TBC1D8: variants seen among roughly 807,000 people sequenced by gnomAD.
TBC1D8 encodes BUB2-like protein 1.
TBC1D8 carries 65 observed loss-of-function variants against 118.8 expected under a neutral mutation model. The ratio of observed to expected loss-of-function variants is 0.55; its 90% CI spans 0.45 to 0.67. The LOEUF (loss-of-function observed/expected upper bound fraction) is 0.67, where lower values mean the gene tolerates loss of function less well. Among genes scored for constraint, TBC1D8 ranks in the 30% least tolerant of loss-of-function variants. TBC1D8 has a pLI of 0.00. For missense variants in TBC1D8, 1,376 were observed against 1,471.2 expected (o/e 0.94, Z 1.06); for synonymous variants, 566 against 595.8 (o/e 0.95, Z 0.73).
intron 18 of TBC1D8, 178 bp from the exon 19 acceptor site, chr2:101,011,204 T>C: frequency 5.7e-6 from 4 of 706,332 alleles, no homozygotes; most frequent in Non-Finnish European, 4.6e-6. Flanking sequence ...GGGGGACTTC[T>C]GCTCTAAGAG....
At chr2:101,055,303 C>T (rs905341823) in intron 3 of TBC1D8, among the ~76,000 whole-genome samples, 3 of 151,856 alleles carry the variant, frequency 2.0e-5, no homozygotes, top group Middle Eastern at 3.4e-3. Context: ...GCACAAGAAT[C>T]GCTTGAACCC....
intron 2 of TBC1D8, among the ~76,000 whole-genome samples, chr2:101,083,727 A>C (rs1369003910): frequency 6.6e-6 from 1 of 152,192 alleles, no homozygotes; most frequent in Non-Finnish European, 1.5e-5. Flanking sequence ...CGTGCAGGCC[A>C]TTCTTCCTGT....
intron 1 of TBC1D8, among the ~76,000 whole-genome samples, chr2:101,108,066 A>G (rs1335164441): frequency 6.5e-5 from 9 of 139,514 alleles, no homozygotes; most frequent in African/African-American, 2.1e-4. Context: ...AAAAAATAAT[A>G]GAAAGAAAAA....
chr2:101,019,139 T>C (rs1679870854), intron 17 of TBC1D8: 2 of 1,492,630 alleles, frequency 1.3e-6, no homozygotes, highest in African/African-American at 1.4e-5. Flanking sequence ...CGAGGACGTC[T>C]GTCTCCCATA....
chr2:101,107,425 T>C (rs79972087), intron 1 of TBC1D8, among the ~76,000 whole-genome samples: 1,598 of 152,156 alleles, frequency 0.011, 32 homozygotes, highest in African/African-American at 0.036. Flanking sequence ...CACTATCCAA[T>C]TGGCTGAGGG....
chr2:101,145,792 C>A (rs746187273), intron 1 of TBC1D8, among the ~76,000 whole-genome samples: 1 of 152,132 alleles, frequency 6.6e-6, no homozygotes, highest in Non-Finnish European at 1.5e-5. Flanking sequence ...TGAGAGGAGC[C>A]GTGTGCCCAA....
Position 101,069,547 on chromosome 2 carries a change from T to C in TBC1D8, c.284-10008A>G, listed in dbSNP as rs559400550. Among the ~76,000 whole-genome samples the C allele has an allele frequency of 7.9e-5, 12 of 152,048 alleles. No homozygotes were observed. In the South Asian group the frequency reaches 2.5e-3, roughly 32 times the overall value. On this transcript the variant is annotated intron_variant, in intron 2 of 19. Coordinates refer to ENST00000409318, the MANE Select transcript of TBC1D8 (RefSeq NM_001330348.2). ...GTTGCAGTGAGCCGAGATCGTGCCA[T>C]TGCACTCCGGCCTGGGCAACAAGAG...
In TBC1D8 at chr2:101,027,191, G is replaced by A. The variant is rs540994113; in HGVS notation, c.2520+192C>T. On this transcript the variant is annotated intron_variant, in intron 15 of 19. Transcript: ENST00000409318. ...CCCAGCTCCCTCCTCCCATGTTCTA[G>A]GGTGGAGGGTGGGGAGAGAGGTTTC... 5.9e-5 allele frequency among the ~76,000 whole-genome samples: 9 copies of A among 152,300 alleles called. No individual in the cohort carries two copies. The South Asian group carries it at 1.9e-3, about 32-fold the overall frequency.
chr2:101,042,684 T>A (rs532250618), intron 5 of TBC1D8, among the ~76,000 whole-genome samples: 1 of 152,048 alleles, frequency 6.6e-6, no homozygotes, highest in East Asian at 1.9e-4. Flanking sequence ...TGTCTTTGCA[T>A]AGTGGGACTT....
chr2:101,135,425 A>G (rs1484714818), intron 1 of TBC1D8, among the ~76,000 whole-genome samples: 2 of 152,148 alleles, frequency 1.3e-5, no homozygotes, highest in African/African-American at 4.8e-5. Context: ...AATAAAAAAA[A>G]AAAAATGCCA....
At position 101,095,351 on chromosome 2, in the gene TBC1D8, T is replaced by C. The variant is rs1045495059; in HGVS notation, c.128-4987A>G. Among the ~76,000 whole-genome samples, 6 of 150,686 alleles carry C rather than the reference T, an allele frequency of 4.0e-5. No homozygotes were observed. The South Asian group carries it at 6.3e-4, about 16-fold the overall frequency. On this transcript the variant is annotated intron_variant, in intron 1 of 19. Coordinates refer to ENST00000409318, the MANE Select transcript of TBC1D8 (RefSeq NM_001330348.2). ...GTGCCATGTTGGTGTGCTGCACCCA[T>C]TAACTCGTCATTTAGCATTAGGTAT...
In TBC1D8 at chr2:101,069,096, G is replaced by A. The variant is rs192492394; in HGVS notation, c.284-9557C>T. On this transcript the variant is annotated intron_variant, in intron 2 of 19. Coordinates refer to ENST00000409318, the MANE Select transcript of TBC1D8 (RefSeq NM_001330348.2). The stretch of plus-strand genomic sequence containing the variant: ...GGGTGGATCATGAGAGCAGGAGTTC[G>A]GAACCAGCCTGGCCAATATGGTGAA... Among the ~76,000 whole-genome samples, 260 of 151,446 alleles carry A rather than the reference G, an allele frequency of 1.7e-3. 2 individuals carry two copies. Among genetic ancestry groups the A allele is most frequent in the Admixed American group, 7.2e-3 (110 of 15,182 alleles).
At chr2:101,140,017 A>G (rs576227234) in intron 1 of TBC1D8, among the ~76,000 whole-genome samples, 2 of 152,280 alleles carry the variant, frequency 1.3e-5, no homozygotes, top group South Asian at 4.1e-4. Context: ...TGCTTTATCT[A>G]CAAGTAATTT....
intron 1 of TBC1D8, among the ~76,000 whole-genome samples, chr2:101,138,972 T>A (rs1678980184): frequency 6.6e-6 from 1 of 151,940 alleles, no homozygotes; most frequent in Admixed American, 6.6e-5. Flanking sequence ...GATGCTCCCA[T>A]CACCCAGGAA....
chr2:101,133,468 G>A (rs1558726159), intron 1 of TBC1D8, among the ~76,000 whole-genome samples: 2 of 151,952 alleles, frequency 1.3e-5, no homozygotes, highest in African/African-American at 4.8e-5. Context: ...TCCACTACCT[G>A]GATAGCTTAT....
chr2:101,116,481 G>A (rs1197555907), intron 1 of TBC1D8, among the ~76,000 whole-genome samples: 4 of 151,946 alleles, frequency 2.6e-5, no homozygotes, highest in Non-Finnish European at 5.9e-5. Context: ...AAAGTCCCTG[G>A]CCCACTTGCC....
chr2:101,128,911 AC>A (rs1678465558), intron 1 of TBC1D8, among the ~76,000 whole-genome samples: 1 of 151,156 alleles, frequency 6.6e-6, no homozygotes, highest in South Asian at 2.1e-4. Context: ...AATGATGGTT[AC>A]CATAGAGGGA....
At chr2:101,081,602 C>A (rs116733354) in intron 2 of TBC1D8, among the ~76,000 whole-genome samples, 1,584 of 152,296 alleles carry the variant, frequency 0.01, 32 homozygotes, top group African/African-American at 0.036. Context: ...CGGGAGGACC[C>A]CCACCCTGGC....
chr2:101,131,123 G>C (rs1678572868), intron 1 of TBC1D8, among the ~76,000 whole-genome samples: 1 of 152,052 alleles, frequency 6.6e-6, no homozygotes, highest in Non-Finnish European at 1.5e-5. Context: ...GGCTGGTCTT[G>C]AACTCCTTGG....
Sources: allele counts gnomAD v4.1 joint callset (sites outside exome capture counted in the v4.1 genomes callset), GRCh38; gene constraint gnomAD v4.1.1; transcripts MANE v1.5; gene names NCBI Gene and HGNC (gene_info 2026-07-23, HGNC 2026-07-21).